PKNOX2: variants seen among roughly 807,000 people sequenced by gnomAD.
PKNOX2 encodes the protein homeobox protein PKNOX2.
Under a neutral mutation model 53.1 loss-of-function variants are expected in PKNOX2, and 14 were observed. The observed-to-expected ratio is 0.26, with a 90% confidence interval of 0.17 to 0.41. The LOEUF (loss-of-function observed/expected upper bound fraction) is 0.41, where lower values mean the gene tolerates loss of function less well. PKNOX2 is among the 10% of genes least tolerant of loss of function. PKNOX2 has a pLI of 1.00. For synonymous variants in PKNOX2, 257 were observed against 242.8 expected, an observed-to-expected ratio of 1.06 and a Z score of -0.54; for missense variants, 496 against 602.8, an observed-to-expected ratio of 0.82 and a Z score of 1.85.
At chr11:125,359,992 G>A (rs954893692) in intron 4 of PKNOX2, among the ~76,000 whole-genome samples, 1 of 152,124 alleles carries the variant, frequency 6.6e-6, no homozygotes, top group African/African-American at 2.4e-5. Flanking sequence ...CCAAAGTGCT[G>A]GGATTACAGG....
At chr11:125,283,020 C>T (rs1178551459) in intron 2 of PKNOX2, among the ~76,000 whole-genome samples, 1 of 152,028 alleles carries the variant, frequency 6.6e-6, no homozygotes, top group Non-Finnish European at 1.5e-5. Flanking sequence ...GGTGTGGTGG[C>T]ATGTGCCAAT....
At chr11:125,251,505 G>A (rs1943994398) in intron 2 of PKNOX2, among the ~76,000 whole-genome samples, 1 of 152,100 alleles carries the variant, frequency 6.6e-6, no homozygotes, top group South Asian at 2.1e-4. Flanking sequence ...ATGTCTGTGG[G>A]GTATATGTGT....
chr11:125,311,696 A>G (rs1025963523), intron 2 of PKNOX2, among the ~76,000 whole-genome samples: 2 of 152,198 alleles, frequency 1.3e-5, no homozygotes, highest in Non-Finnish European at 2.9e-5. Flanking sequence ...TGTACAGTGG[A>G]CTAGGGGTAG....
chr11:125,364,740 C>A (rs1200229953), intron 4 of PKNOX2, among the ~76,000 whole-genome samples: 2 of 152,168 alleles, frequency 1.3e-5, no homozygotes, highest in African/African-American at 4.8e-5. Flanking sequence ...CTAGAGTTTC[C>A]AAAGCACTTT....
At chr11:125,242,899 G>A (rs536441904) in intron 2 of PKNOX2, among the ~76,000 whole-genome samples, 16 of 152,306 alleles carry the variant, frequency 1.1e-4, no homozygotes, top group Admixed American at 1.3e-4. Flanking sequence ...AATGCTCAGC[G>A]AATGCAATGG....
At chr11:125,336,685 G>A (rs980641902) in intron 3 of PKNOX2, among the ~76,000 whole-genome samples, 1 of 146,618 alleles carries the variant, frequency 6.8e-6, no homozygotes, top group Non-Finnish European at 1.5e-5. Context: ...ATACTCTGTA[G>A]TATATTCTCT....
intron 1 of PKNOX2, among the ~76,000 whole-genome samples, chr11:125,217,143 A>G (rs1940623991): frequency 2.0e-5 from 3 of 152,050 alleles, no homozygotes; most frequent in African/African-American, 4.8e-5. Context: ...AGGCATGTGC[A>G]CACACGACCC....
intron 3 of PKNOX2, among the ~76,000 whole-genome samples, chr11:125,339,056 G>A (rs1369681521): frequency 6.6e-6 from 1 of 152,164 alleles, no homozygotes; most frequent in Non-Finnish European, 1.5e-5. Context: ...CAGCTGAAAG[G>A]GCCAGCACAT....
rs148448640 is a variant in PKNOX2 at position 125,213,939 on chromosome 11, G to T, written c.-200-21106G>T. ...CAACCTCAGTCCTCGCAGAAGGAGG[G>T]CCAGGGAGGGGTTTCCAGCACCTAC... On this transcript the variant is annotated intron_variant, in intron 1 of 12. Transcript: ENST00000298282. 2.3e-4 allele frequency among the ~76,000 whole-genome samples: 35 copies of T among 152,180 alleles called. No homozygotes were observed. The East Asian group carries it at 5.6e-3, about 24-fold the overall frequency.
chr11:125,342,136 C>A (rs1950721974), intron 3 of PKNOX2, among the ~76,000 whole-genome samples: 1 of 151,970 alleles, frequency 6.6e-6, no homozygotes, highest in South Asian at 2.1e-4. Flanking sequence ...ATGCACAGAG[C>A]CACTTGCTTC....
At chr11:125,301,483 G>A (rs190507041) in intron 2 of PKNOX2, among the ~76,000 whole-genome samples, 38 of 152,036 alleles carry the variant, frequency 2.5e-4, no homozygotes, top group Admixed American at 2.4e-3. Context: ...TTTCCGTGGT[G>A]CAGACAGAGT....
At chr11:125,195,889 A>ACACACACC (rs1937624739) in intron 1 of PKNOX2, among the ~76,000 whole-genome samples, 1 of 53,558 alleles carries the variant, frequency 1.9e-5, no homozygotes, top group South Asian at 4.7e-4. Flanking sequence ...ACATGCACAC[A>ACACACACC]CACACACACA....
At chr11:125,328,194 A>G (rs982441478) in intron 2 of PKNOX2, among the ~76,000 whole-genome samples, 1 of 152,200 alleles carries the variant, frequency 6.6e-6, no homozygotes, top group African/African-American at 2.4e-5. Flanking sequence ...CCTGGCCCTG[A>G]GCCCTGCTCT....
intron 2 of PKNOX2, among the ~76,000 whole-genome samples, chr11:125,326,976 T>C (rs1458399524): frequency 6.6e-6 from 1 of 152,178 alleles, no homozygotes; most frequent in African/African-American, 2.4e-5. Context: ...AACCACACTT[T>C]CATCACCGCA....
intron 1 of PKNOX2, among the ~76,000 whole-genome samples, chr11:125,167,887 G>A (rs917065088): frequency 6.6e-6 from 1 of 152,196 alleles, no homozygotes; most frequent in Non-Finnish European, 1.5e-5. Flanking sequence ...ATTAATAAAA[G>A]TTAATGTCCA....
intron 6 of PKNOX2, among the ~76,000 whole-genome samples, chr11:125,391,000 G>C (rs529798707): frequency 7.6e-4 from 116 of 152,290 alleles, no homozygotes; most frequent in Middle Eastern, 3.4e-3. Context: ...TTCCTGATTA[G>C]ATTTGAGCAT....
chr11:125,171,207 C>A (rs1430728104), intron 1 of PKNOX2, among the ~76,000 whole-genome samples: 1 of 152,216 alleles, frequency 6.6e-6, no homozygotes, highest in African/African-American at 2.4e-5. Flanking sequence ...GGCAGGTGTC[C>A]TGCCTTGCTG....
chr11:125,319,695 A>G (rs1185005651), intron 2 of PKNOX2, among the ~76,000 whole-genome samples: 1 of 152,232 alleles, frequency 6.6e-6, no homozygotes, highest in Non-Finnish European at 1.5e-5. Context: ...TAAGAAATGC[A>G]TATAACAAAG....
intron 2 of PKNOX2, among the ~76,000 whole-genome samples, chr11:125,330,605 C>T (rs2136105899): frequency 6.6e-6 from 1 of 152,188 alleles, no homozygotes; most frequent in South Asian, 2.1e-4. Flanking sequence ...TTGGCTTCCT[C>T]TCTTCTGCCA....
Sources: allele counts gnomAD v4.1 joint callset (sites outside exome capture counted in the v4.1 genomes callset), GRCh38; gene constraint gnomAD v4.1.1; transcripts MANE v1.5; gene names NCBI Gene and HGNC (gene_info 2026-07-23, HGNC 2026-07-21).